CAD: variants seen among roughly 807,000 people sequenced by gnomAD.
The protein encoded by CAD is multifunctional protein CAD.
A neutral mutation model predicts 237.2 loss-of-function variants in CAD; 81 were observed. The ratio of observed to expected loss-of-function variants is 0.34; its 90% confidence interval spans 0.29 to 0.41. CAD has a LOEUF of 0.41. CAD is among the 10% of genes least tolerant of loss of function. The probability of loss-of-function intolerance (pLI) is 1.00; values close to 1 mark genes in which losing one functional copy is unlikely to be tolerated. For synonymous variants in CAD, 1,196 were observed against 1,162.8 expected (o/e 1.03, Z -0.58); for missense variants, 2,181 against 2,951.7 (o/e 0.74, Z 6.05).
At chr2:27,220,056 GCTCC>G (rs1675080655) in intron 2 of CAD, among the ~76,000 whole-genome samples, 1 of 152,032 alleles carries the variant, frequency 6.6e-6, no homozygotes, top group Admixed American at 6.5e-5. Flanking sequence ...TTGTTTTCTA[GCTCC>G]CTAAGTCAGA....
chr2:27,231,410 G>GC, intron 15 of CAD, 58 bp from the exon 16 acceptor site: 1 of 954,040 alleles, frequency 1.0e-6, no homozygotes. Context: ...TATGGGCAGT[G>GC]CCTTCTTCCC....
In CAD at chr2:27,217,410, C is replaced by G. The variant is rs1674914364; in HGVS notation, c.-142C>G. ...GCCAAGCGCGCCCGAGGCTCCTACG[C>G]TGCCGCGCCCGGCTTCTCTCCAGCG... On this transcript the variant is annotated 5_prime_UTR_variant, in exon 1 of 44. Coordinates refer to ENST00000264705, the MANE Select transcript of CAD (RefSeq NM_004341.5). 1.3e-6 allele frequency: 1 copy of G among 756,142 alleles called. No individual in the cohort carries two copies. The highest frequency in any genetic ancestry group is 2.3e-6 in the Non-Finnish European group (1 of 435,792). The allele number at this position is 756,142 out of a possible 1,614,324, so 46.8% of individuals were successfully genotyped here.
In CAD at chr2:27,226,173, G is replaced by A; in HGVS notation, c.1885G>A (p.Gly629Ser). 1 of 1,614,208 alleles carries A rather than the reference G, an allele frequency of 6.2e-7. No individual in the cohort carries two copies. The highest frequency in any genetic ancestry group is 1.1e-5 in the South Asian group (1 of 91,086). The change falls in exon 13 of 44, where the codon GGT becomes AGT. Residue 629 changes from glycine (G) to serine (S), a missense_variant. Physicochemically the swap from Gly to Ser is moderately conservative, Grantham distance 56. Coordinates refer to ENST00000264705, the MANE Select transcript of CAD (RefSeq NM_004341.5). ...CTTGGACCCACTGGGCATCCACACTGGTGAGTCCATAGTGGTGGCCCCTAG... is the reference window on the plus strand; with the variant it reads ...CTTGGACCCACTGGGCATCCACACTAGTGAGTCCATAGTGGTGGCCCCTAG... ...ENLDPLGIHTGESIVVAPSQT... is the reference protein window; with the variant it reads ...ENLDPLGIHTSESIVVAPSQT...
chr2:27,229,070 A>G (rs756756043), intron 15 of CAD, among the ~76,000 whole-genome samples: 54 of 151,264 alleles, frequency 3.6e-4, no homozygotes, highest in African/African-American at 5.6e-4. Context: ...AGGCGCGCAC[A>G]ACCACGCCCA....
intron 2 of CAD, 105 bp downstream of exon 2, chr2:27,218,121 CAT>C (rs1255317170): frequency 1.0e-6 from 1 of 982,932 alleles, no homozygotes; most frequent in Middle Eastern, 2.2e-4. Context: ...CTGCAGAAAA[CAT>C]ACCCACTGAA....
chr2:27,218,538 T>G (rs559679957), intron 2 of CAD, among the ~76,000 whole-genome samples: 1 of 152,214 alleles, frequency 6.6e-6, no homozygotes, highest in South Asian at 2.1e-4. Flanking sequence ...GACTGGAAAC[T>G]AGGGTCACAT....
At position 27,241,462 on chromosome 2, in the gene CAD, C is replaced by T. The variant is rs1178701947; in HGVS notation, c.5883+66C>T. Reference sequence around the variant, plus strand: ...GCCCTTGGGCCGCATCAGCGCAGGGCCGCGCAGTGGTCAGAGTGGGTCTTC... The same window carrying T: ...GCCCTTGGGCCGCATCAGCGCAGGGTCGCGCAGTGGTCAGAGTGGGTCTTC... On this transcript the variant is annotated intron_variant, in intron 38 of 43. Transcript: ENST00000264705. This position sits in a 1 kb window ranked among gnomAD's most constrained non-coding sequence, Gnocchi z 4.6. 3.3e-6 allele frequency: 5 copies of T among 1,496,712 alleles called. No homozygotes were observed. Among genetic ancestry groups the T allele is most frequent in the Non-Finnish European group, 4.7e-6 (5 of 1,074,670 alleles). The allele number at this position is 1,496,712 out of a possible 1,614,324, so 92.7% of individuals were successfully genotyped here. A position where few individuals can be genotyped will look rare whatever the true frequency, so the allele number is the denominator to read the frequency against.
In CAD at chr2:27,242,072, C is replaced by A; in HGVS notation, c.6045C>A (p.Ser2015Arg). 1 of 1,613,344 alleles carries A rather than the reference C, an allele frequency of 6.2e-7. No individual in the cohort carries two copies. The change falls in exon 39 of 44, where the codon AGC becomes AGA. Residue 2015 changes from serine to arginine, a missense_variant. Around this residue, in one of 12 missense-constraint regions of CAD, gnomAD observed 203 missense variants for 284.5 expected, o/e 0.71. Coordinates refer to ENST00000264705, the MANE Select transcript of CAD (RefSeq NM_004341.5). This position sits in a 1 kb window ranked among gnomAD's most constrained non-coding sequence, Gnocchi z 6.4. ...ESLADSVQTMSCYADVVVLRH... is the reference protein window; with the variant it reads ...ESLADSVQTMRCYADVVVLRH... ...TGGCTGACTCCGTGCAGACCATGAG[C>A]TGCTATGCCGACGTCGTCGTGCTCC...
chr2:27,217,495 G>A lies in CAD; in HGVS notation c.-57G>A. ...GCGCCGTCCTCACGTGGTTCCAGTG[G>A]AGTTTGCAGTCCTTCCCGCTTCTCC... is the stretch of plus-strand genomic sequence containing the variant. On this transcript the variant is annotated 5_prime_UTR_variant, in exon 1 of 44. Coordinates refer to ENST00000264705, the MANE Select transcript of CAD (RefSeq NM_004341.5). 1 of 1,411,286 alleles carries A rather than the reference G, an allele frequency of 7.1e-7. No homozygotes were observed. The highest frequency in any genetic ancestry group is 9.8e-7 in the Non-Finnish European group (1 of 1,017,186). 87.4% of individuals were successfully genotyped at this position (1,411,286 alleles called of 1,614,324 possible).
intron 15 of CAD, among the ~76,000 whole-genome samples, chr2:27,229,663 G>A (rs1267171770): frequency 6.6e-6 from 1 of 151,552 alleles, no homozygotes; most frequent in Non-Finnish European, 1.5e-5. Context: ...ATATCATGAG[G>A]TCAGGAGTTT....
At position 27,222,625 on chromosome 2, in the gene CAD, C is replaced by G; in HGVS notation, c.602C>G (p.Thr201Ser). 1 of 1,614,140 alleles carries G rather than the reference C, an allele frequency of 6.2e-7. No individual in the cohort carries two copies. ...RCLCQRGAEV[T>S]VVPWDHALDS... The stretch of plus-strand genomic sequence containing the variant: ...CTCTGCCAGCGTGGGGCTGAGGTCA[C>G]TGTGGTACCCTGGGACCATGCACTA... Residue 201 changes from threonine (T) to serine (S), a missense_variant, in exon 5 of 44, where the codon ACT (threonine) becomes AGT (serine). By Grantham distance (58) the Thr-to-Ser change is moderately conservative. This residue lies in a region of CAD where 314 missense variants were observed against 339.4 expected (regional missense o/e 0.93). Coordinates refer to ENST00000264705, the MANE Select transcript of CAD (RefSeq NM_004341.5).
chr2:27,237,839 C>A lies in CAD; in HGVS notation c.4685C>A (p.Thr1562Asn). Residue 1562 changes from threonine (T) to asparagine (N), a missense_variant, in exon 29 of 44, where the codon ACC becomes AAC. Coordinates refer to ENST00000264705, the MANE Select transcript of CAD (RefSeq NM_004341.5). This position sits in a 1 kb window ranked among gnomAD's most constrained non-coding sequence, Gnocchi z 4.0. ...AAGLKLYLNETFSELRLDSVV... is the reference protein window; with the variant it reads ...AAGLKLYLNENFSELRLDSVV... ...GGGCTGAAGCTTTACCTCAATGAGA[C>A]CTTCTCTGAGCTGCGGCTGGACAGC... The A allele has an allele frequency of 3.1e-6, 5 of 1,613,998 alleles. No homozygotes were observed. The highest frequency in any genetic ancestry group is 1.1e-5 in the South Asian group (1 of 91,026).
At chr2:27,228,922 C>T (rs537785230) in intron 15 of CAD, among the ~76,000 whole-genome samples, 383 of 105,388 alleles carry the variant, frequency 3.6e-3, no homozygotes, top group Middle Eastern at 0.012. Flanking sequence ...TTTTTTTTTT[C>T]TTTTTTTTTT....
Position 27,242,881 on chromosome 2 carries a change from G to A in CAD, c.6388G>A (p.Glu2130Lys), listed in dbSNP as rs755039119. The A allele has an allele frequency of 7.4e-6, 12 of 1,614,050 alleles. No homozygotes were observed. Among genetic ancestry groups the A allele is most frequent in the South Asian group, 3.3e-5 (3 of 91,080 alleles). ...ASRGTKQEEFESIEEALPDTD... is the reference protein window; with the variant it reads ...ASRGTKQEEFKSIEEALPDTD... ...TCTCCTCACCCTCCAGGAGGAATTC[G>A]AGAGCATTGAGGAGGCGCTGCCTGA... Residue 2130 changes from glutamate to lysine, a missense_variant, in exon 42 of 44, where the codon GAG becomes AAG. Glu to Lys is a moderately conservative substitution (Grantham distance 56). Coordinates refer to ENST00000264705, the MANE Select transcript of CAD (RefSeq NM_004341.5). This position sits in a 1 kb window ranked among gnomAD's most constrained non-coding sequence, Gnocchi z 6.4.
Position 27,233,002 on chromosome 2 carries a change from C to A in CAD, c.2893-40C>A. On this transcript the variant is annotated intron_variant, in intron 18 of 43. Transcript: ENST00000264705. The surrounding 1 kb of genome is among the most constrained non-coding windows in gnomAD (Gnocchi z 6.3). Reference sequence around the variant, plus strand: ...CCACGATTTTCTCCACGATTTTCCTCCCACCTGACTGCTAAGTACCCTTCC... The same window carrying A: ...CCACGATTTTCTCCACGATTTTCCTACCACCTGACTGCTAAGTACCCTTCC... 7.5e-7 allele frequency: 1 copy of A among 1,328,370 alleles called. No homozygotes were observed. The highest frequency in any genetic ancestry group is 1.2e-5 in the South Asian group (1 of 84,792). 82.3% of individuals were successfully genotyped at this position (1,328,370 alleles called of 1,614,324 possible).
At chr2:27,222,794 C>A in intron 5 of CAD, 72 bp from the exon 6 acceptor site, 1 of 1,577,470 alleles carries the variant, frequency 6.3e-7, no homozygotes, top group Non-Finnish European at 8.7e-7. Flanking sequence ...CTCTCATGGG[C>A]TGGGGGGGCT....
intron 8 of CAD, 91 bp from the exon 9 acceptor site, chr2:27,224,254 C>T (rs879677974): frequency 1.8e-5 from 26 of 1,430,938 alleles, no homozygotes; most frequent in Admixed American, 5.5e-5. Context: ...ATAATTTGCT[C>T]TGGACTCTTC....
chr2:27,232,389 C>T lies in CAD; in HGVS notation c.2646-59C>T, dbSNP rs1271572163. ...TCATCTGTGCCCTGGGGTCTCAACC[C>T]TCTATCAGTCTGTACCCTACTCTCT... On this transcript the variant is annotated intron_variant, in intron 17 of 43. Coordinates refer to ENST00000264705, the MANE Select transcript of CAD (RefSeq NM_004341.5). The surrounding 1 kb of genome is among the most constrained non-coding windows in gnomAD (Gnocchi z 4.1). 32 of 1,604,486 alleles carry T rather than the reference C, an allele frequency of 2.0e-5. No homozygotes were observed. The highest frequency in any genetic ancestry group is 2.6e-5 in the Non-Finnish European group (31 of 1,174,892).
chr2:27,224,584 A>T, intron 9 of CAD, 94 bp downstream of exon 9: 2 of 1,559,812 alleles, frequency 1.3e-6, no homozygotes, highest in East Asian at 2.2e-5. Context: ...GGAGGAAATG[A>T]ACCAGATTTG....
Sources: gnomAD v4.1 joint callset for allele counts (sites outside exome capture counted in the v4.1 genomes callset) on GRCh38, gnomAD v4.1.1 for gene constraint, gnomAD v4.1.1 regional missense constraint, Gnocchi (gnomAD v3.1) non-coding constraint, MANE v1.5 for transcripts, NCBI Gene and HGNC (gene_info 2026-07-23, HGNC 2026-07-21) for gene names.